The following CD38 variants were observed in gnomAD, a reference collection of about 807,000 sequenced individuals.
CD38 encodes the protein ADP-ribosyl cyclase/cyclic ADP-ribose hydrolase 1.
CD38 carries 31 observed loss-of-function variants against 36.3 expected under a neutral mutation model. That is an observed-to-expected ratio of 0.85 (90% CI 0.64 to 1.15). The LOEUF is 1.15. Among genes scored for constraint, CD38 ranks in the 50% most tolerant of loss-of-function variants. The probability of loss-of-function intolerance (pLI) is 0.00; values close to 1 mark genes in which losing one functional copy is unlikely to be tolerated. For missense variants in CD38, 380 were observed against 371.9 expected (o/e 1.02, Z -0.18); for synonymous variants, 131 against 135.2 (o/e 0.97, Z 0.22).
chr4:15,798,858 GT>G (rs1200686391), intron 1 of CD38, among the ~76,000 whole-genome samples: 9 of 152,070 alleles, frequency 5.9e-5, no homozygotes, highest in African/African-American at 2.2e-4. Flanking sequence ...GGTTTCTTCT[GT>G]GAAAAGCCTA....
chr4:15,780,964 C>T (rs188514651), intron 1 of CD38, among the ~76,000 whole-genome samples: 3 of 152,136 alleles, frequency 2.0e-5, no homozygotes, highest in East Asian at 1.9e-4. Flanking sequence ...CAAAATTAGC[C>T]GGGTGTTGTG....
rs550559001 is a variant in CD38, at chr4:15,841,841, G to A, written c.839+1303G>A. Among the ~76,000 whole-genome samples, 698 of 129,342 alleles carry A rather than the reference G, an allele frequency of 5.4e-3. 12 individuals are homozygous for A. Among genetic ancestry groups the A allele is most frequent in the Non-Finnish European group, 6.7e-3 (424 of 63,204 alleles). The allele number at this position is 129,342 out of a possible 152,430, so 84.9% of individuals were successfully genotyped here. A position where few individuals can be genotyped will look rare whatever the true frequency, so the allele number is the denominator to read the frequency against. On this transcript the variant is annotated intron_variant, in intron 7 of 7. Transcript: ENST00000226279. ...CGGGTCACTCCCACCCGAATATTGCGCTTTTCAGACCGGCTTAAGAAACGG... is the reference window on the plus strand; with the variant it reads ...CGGGTCACTCCCACCCGAATATTGCACTTTTCAGACCGGCTTAAGAAACGG...
At chr4:15,786,380 A>G (rs1333063308) in intron 1 of CD38, among the ~76,000 whole-genome samples, 5 of 152,236 alleles carry the variant, frequency 3.3e-5, no homozygotes, top group Non-Finnish European at 5.9e-5. Flanking sequence ...TGAGCTAGAC[A>G]CAAAGTGCTG....
intron 4 of CD38, among the ~76,000 whole-genome samples, chr4:15,834,529 C>T (rs1392809354): frequency 1.3e-5 from 2 of 152,188 alleles, no homozygotes; most frequent in African/African-American, 4.8e-5. Context: ...AATCTTTGCA[C>T]GTACCCACTC....
intron 2 of CD38, among the ~76,000 whole-genome samples, chr4:15,819,726 C>T (rs2148923055): frequency 6.6e-6 from 1 of 152,182 alleles, no homozygotes; most frequent in South Asian, 2.1e-4. Flanking sequence ...ACAAACAAAA[C>T]CTCTGAGAAC....
chr4:15,852,584 C>T lies in CD38; in HGVS notation c.*3982C>T, dbSNP rs966855786. ...ATAACTTTAAGTCATTTTATCAACA[C>T]ATTGCTAATCCAGATATTTTCCCGC... On this transcript the variant is annotated 3_prime_UTR_variant, in exon 8 of 8. Coordinates refer to ENST00000226279, the MANE Select transcript of CD38 (RefSeq NM_001775.4). 1.3e-5 allele frequency: 2 copies of T among 152,158 alleles called. No individual in the cohort carries two copies. The highest frequency in any genetic ancestry group is 4.8e-5 in the African/African-American group (2 of 41,424). 9.4% of individuals were successfully genotyped at this position (152,158 alleles called of 1,614,324 possible).
intron 1 of CD38, among the ~76,000 whole-genome samples, chr4:15,809,376 T>C (rs1723415512): frequency 6.6e-6 from 1 of 152,216 alleles, no homozygotes. Context: ...CTCGGGCTAG[T>C]CACATTTCCT....
At chr4:15,826,609 A>C (rs1328255009) in intron 3 of CD38, among the ~76,000 whole-genome samples, 3 of 152,158 alleles carry the variant, frequency 2.0e-5, no homozygotes, top group Admixed American at 6.5e-5. Flanking sequence ...ACCCTCATCA[A>C]GAGTATATAT....
chr4:15,815,849 G>T (rs191621566), intron 1 of CD38, among the ~76,000 whole-genome samples: 2 of 152,052 alleles, frequency 1.3e-5, no homozygotes, highest in Non-Finnish European at 2.9e-5. Context: ...GCCACTTTTC[G>T]ATAGGAATGC....
chr4:15,839,563 A>G (rs1724155979), intron 5 of CD38, among the ~76,000 whole-genome samples: 2 of 151,590 alleles, frequency 1.3e-5, no homozygotes. Context: ...AACTGGGACT[A>G]CAGGCACCCA....
At position 15,813,358 on chromosome 4, in the gene CD38, A is replaced by T. The variant is rs1032722376; in HGVS notation, c.234-3153A>T. Reference sequence around the variant, plus strand: ...ATTTTGTTAATATTTTTGTGTGTCTATTGAGATGATCATATGGTTTTTGTC... The same window carrying T: ...ATTTTGTTAATATTTTTGTGTGTCTTTTGAGATGATCATATGGTTTTTGTC... On this transcript the variant is annotated intron_variant, in intron 1 of 7. Transcript: ENST00000226279. 1.1e-4 allele frequency among the ~76,000 whole-genome samples: 16 copies of T among 152,054 alleles called. No individual in the cohort carries two copies. In the East Asian group the frequency reaches 3.1e-3, roughly 29 times the overall value.
intron 1 of CD38, among the ~76,000 whole-genome samples, chr4:15,786,880 G>A (rs773648411): frequency 7.9e-5 from 12 of 152,232 alleles, no homozygotes; most frequent in South Asian, 2.1e-4. Flanking sequence ...GCCCTGCCCC[G>A]CGGGGAGGCA....
chr4:15,832,195 C>A (rs912021425), intron 3 of CD38, among the ~76,000 whole-genome samples: 1 of 152,108 alleles, frequency 6.6e-6, no homozygotes, highest in Non-Finnish European at 1.5e-5. Context: ...TCTTGAATTT[C>A]TTTCAGTTTC....
intron 1 of CD38, among the ~76,000 whole-genome samples, chr4:15,792,432 T>TAAAAAAAAAAAAAAAA (rs1435943010): frequency 1.8e-5 from 1 of 54,318 alleles, no homozygotes; most frequent in African/African-American, 1.2e-4. Flanking sequence ...AAAAATAAAA[T>TAAAAAAAAAAAAAAAA]AAAATAAAAA....
intron 7 of CD38, among the ~76,000 whole-genome samples, chr4:15,841,557 C>A (rs1460480063): frequency 2.0e-5 from 3 of 151,840 alleles, no homozygotes; most frequent in African/African-American, 7.3e-5. Flanking sequence ...GGCGGAGGAG[C>A]CAAGATGGCC....
intron 3 of CD38, 118 bp downstream of exon 3, chr4:15,825,134 C>A: frequency 1.1e-6 from 1 of 905,030 alleles, no homozygotes; most frequent in Non-Finnish European, 1.7e-6. Context: ...CATCCTGATG[C>A]CATCTATACT....
At chr4:15,820,668 G>T (rs1392626187) in intron 2 of CD38, among the ~76,000 whole-genome samples, 4 of 151,910 alleles carry the variant, frequency 2.6e-5, no homozygotes, top group Non-Finnish European at 5.9e-5. Context: ...GCCCAATACA[G>T]GAACACCGAG....
chr4:15,852,301 T>C lies in CD38; in HGVS notation c.*3699T>C, dbSNP rs571374757. 6.6e-6 allele frequency: 1 copy of C among 152,336 alleles called. No individual in the cohort carries two copies. Among genetic ancestry groups the C allele is most frequent in the Admixed American group, 6.5e-5 (1 of 15,304 alleles). 9.4% of individuals were successfully genotyped at this position (152,336 alleles called of 1,614,324 possible). A position where few individuals can be genotyped will look rare whatever the true frequency, so the allele number is the denominator to read the frequency against. On this transcript the variant is annotated 3_prime_UTR_variant, in exon 8 of 8. Transcript: ENST00000226279. ...TTTCTGTGCCTTTTGTAGCTCTTGT[T>C]TGGAAGAAGCTCAACCCATGTCTGC...
intron 1 of CD38, among the ~76,000 whole-genome samples, chr4:15,809,045 T>G (rs1577645818): frequency 6.6e-6 from 1 of 152,278 alleles, no homozygotes; most frequent in East Asian, 1.9e-4. Flanking sequence ...GTCTTCTGAG[T>G]TTATAGGTAA....
Sources: gnomAD v4.1 joint callset for allele counts (sites outside exome capture counted in the v4.1 genomes callset) on GRCh38, gnomAD v4.1.1 for gene constraint, MANE v1.5 for transcripts, NCBI Gene and HGNC (gene_info 2026-07-23, HGNC 2026-07-21) for gene names.